The following ZNF717 variants were observed in gnomAD, a reference collection of about 807,000 sequenced individuals.
ZNF717 encodes zinc finger protein 717.
ZNF717 carries 9 observed loss-of-function variants against 13.8 expected under a neutral mutation model. The ratio of observed to expected loss-of-function variants is 0.65; its 90% confidence interval spans 0.39 to 1.14. ZNF717 has a LOEUF of 1.14. Ranked by LOEUF, ZNF717 falls within the 50% of genes most tolerant of loss-of-function variation. The pLI is 0.01. For missense variants in ZNF717, 1,040 were observed against 1,080.7 expected (o/e 0.96, Z 0.53); for synonymous variants, 327 against 364.1 (o/e 0.90, Z 1.16).
chr3:75,705,228 T>C (rs1937780713), downstream of ZNF717, among the ~76,000 whole-genome samples: 1 of 67,086 alleles, frequency 1.5e-5, no homozygotes, highest in Non-Finnish European at 3.5e-5. Context: ...CATTACAATG[T>C]ACAAGTTACA....
intron 2 of ZNF717, among the ~76,000 whole-genome samples, chr3:75,759,321 G>A (rs1046025352): frequency 1.3e-5 from 2 of 150,368 alleles, no homozygotes; most frequent in Non-Finnish European, 3.0e-5. Flanking sequence ...TGTTGCCCAG[G>A]CCATAGTGCA....
At chr3:75,745,505 A>G (rs1168902671) in intron 2 of ZNF717, among the ~76,000 whole-genome samples, 18 of 151,966 alleles carry the variant, frequency 1.2e-4, no homozygotes, top group African/African-American at 4.3e-4. Flanking sequence ...TTAACTTTCT[A>G]TTTCTCAAGA....
chr3:75,697,892 C>T (rs1218058879), intron 6 of ZNF717, among the ~76,000 whole-genome samples: 1 of 152,302 alleles, frequency 6.6e-6, no homozygotes, highest in Non-Finnish European at 1.5e-5. Context: ...GACCAAAATG[C>T]TGATAGTGAT....
At chr3:75,774,761 C>T (rs1944177776) in intron 2 of ZNF717, among the ~76,000 whole-genome samples, 1 of 151,768 alleles carries the variant, frequency 6.6e-6, no homozygotes, top group African/African-American at 2.4e-5. Flanking sequence ...GCTGGGACTA[C>T]AGGTGCCCAC....
intron 2 of ZNF717, among the ~76,000 whole-genome samples, chr3:75,762,978 C>G (rs373690681): frequency 6.6e-6 from 1 of 151,888 alleles, no homozygotes; most frequent in Non-Finnish European, 1.5e-5. Context: ...GTTGGGAAAA[C>G]TGTATATCCA....
intron 2 of ZNF717, among the ~76,000 whole-genome samples, chr3:75,780,678 G>C (rs1301142878): frequency 6.6e-6 from 1 of 152,264 alleles, no homozygotes; most frequent in Admixed American, 6.5e-5. Flanking sequence ...GGGATTACAG[G>C]TGTGAGCCAC....
Position 75,741,670 on chromosome 3 carries a change from C to T in ZNF717, c.124G>A (p.Ala42Thr), listed in dbSNP as rs1940467833. 1.9e-5 allele frequency: 30 copies of T among 1,599,950 alleles called. No homozygotes were observed. The South Asian group carries it at 2.5e-4, about 13-fold the overall frequency. The change falls in exon 3 of 5, where the codon GCT becomes ACT. Residue 42 changes from alanine (A) to threonine (T), a missense_variant. Physicochemically the swap from Ala to Thr is moderately conservative, Grantham distance 58. Around this residue, in one of 3 missense-constraint regions of ZNF717, gnomAD observed 123 missense variants for 177.8 expected, o/e 0.69. Coordinates refer to ENST00000652011, the MANE Select transcript of ZNF717 (RefSeq NM_001290208.3). ...ACGTCCCTGTACAGGGTCCTCTGAG[C>T]ATCATCCAGGTCCTGCCACTCCTCC... ...TWEEWQDLDD[A>T]QRTLYRDVML... is the part of the protein sequence containing the mutation.
At chr3:75,749,287 A>G (rs76600109) in intron 2 of ZNF717, among the ~76,000 whole-genome samples, 1 of 150,448 alleles carries the variant, frequency 6.6e-6, no homozygotes, top group Non-Finnish European at 1.5e-5. Context: ...GAACACTGCT[A>G]GTGTGTTCTG....
intron 2 of ZNF717, among the ~76,000 whole-genome samples, chr3:75,771,515 C>T (rs918445866): frequency 6.6e-6 from 1 of 152,200 alleles, no homozygotes. Context: ...GCCTCCGGAG[C>T]GATAGTGTGG....
intron 2 of ZNF717, among the ~76,000 whole-genome samples, chr3:75,768,796 GCCA>G (rs1281627982): frequency 2.1e-5 from 3 of 145,692 alleles, no homozygotes; most frequent in Non-Finnish European, 4.5e-5. Context: ...CAGATGACAG[GCCA>G]CCACAACCTC....
intron 2 of ZNF717, among the ~76,000 whole-genome samples, chr3:75,748,005 G>C (rs1189125997): frequency 6.6e-5 from 10 of 152,118 alleles, no homozygotes; most frequent in Middle Eastern, 3.2e-3. Context: ...AAATGATAAA[G>C]GGGACAGCAC....
intron 2 of ZNF717, among the ~76,000 whole-genome samples, chr3:75,761,203 A>G (rs1272006678): frequency 1.3e-5 from 2 of 152,274 alleles, no homozygotes; most frequent in South Asian, 4.1e-4. Flanking sequence ...GAATTTTACC[A>G]AACATTTCAA....
intron 4 of ZNF717, among the ~76,000 whole-genome samples, chr3:75,740,155 A>G (rs1277001746): frequency 6.6e-6 from 1 of 152,104 alleles, no homozygotes; most frequent in Non-Finnish European, 1.5e-5. Flanking sequence ...TTGATAATTC[A>G]CCATTTTTGA....
chr3:75,722,724 G>A (rs1274023373), intron 4 of ZNF717, among the ~76,000 whole-genome samples: 3 of 138,282 alleles, frequency 2.2e-5, no homozygotes, highest in African/African-American at 8.2e-5. Flanking sequence ...GGAGGCAGGA[G>A]AATCGCTTGA....
chr3:75,770,020 C>A (rs1943768210), intron 2 of ZNF717, among the ~76,000 whole-genome samples: 1 of 152,138 alleles, frequency 6.6e-6, no homozygotes, highest in Admixed American at 6.5e-5. Flanking sequence ...TTGCATATTT[C>A]TTTATTGGCC....
intron 2 of ZNF717, among the ~76,000 whole-genome samples, chr3:75,765,035 A>ATATATATATATATATATGTG (rs1559662069): frequency 1.2e-5 from 1 of 81,798 alleles, no homozygotes; most frequent in Non-Finnish European, 2.8e-5. Flanking sequence ...ATATATGTAT[A>ATATATATATATATATATGTG]TGTGTGTGTG....
chr3:75,784,728 T>C (rs1945044770), intron 1 of ZNF717: 2 of 152,208 alleles, frequency 1.3e-5, no homozygotes, highest in Admixed American at 6.5e-5. Context: ...GCAAATCTTG[T>C]GCATTCTAGG....
chr3:75,770,785 C>T (rs1943820776), intron 2 of ZNF717, among the ~76,000 whole-genome samples: 1 of 152,062 alleles, frequency 6.6e-6, no homozygotes, highest in South Asian at 2.1e-4. Flanking sequence ...AAGAAGCATT[C>T]AACAGAGAGT....
chr3:75,740,252 G>A, intron 4 of ZNF717, among the ~76,000 whole-genome samples: 1 of 152,150 alleles, frequency 6.6e-6, no homozygotes, highest in Admixed American at 6.5e-5. Context: ...ATCTTCCAAT[G>A]GTAACTACAA....
Sources: gnomAD v4.1 joint callset for allele counts (sites outside exome capture counted in the v4.1 genomes callset) on GRCh38, gnomAD v4.1.1 for gene constraint, gnomAD v4.1.1 regional missense constraint, MANE v1.5 for transcripts, NCBI Gene and HGNC (gene_info 2026-07-23, HGNC 2026-07-21) for gene names.